Variants in ANXA4 observed in about 807,000 individuals in gnomAD.
The protein encoded by ANXA4 is 35-beta calcimedin.
ANXA4 carries 39 observed loss-of-function variants against 49.8 expected under a neutral mutation model. That is an observed-to-expected ratio of 0.78 (90% CI 0.61 to 1.02). ANXA4 has a LOEUF of 1.02. Ranked by LOEUF, ANXA4 falls within the 50% of genes least tolerant of loss-of-function variation. The pLI is 0.00. For synonymous variants in ANXA4, 134 were observed against 152.5 expected (o/e 0.88, Z 0.89); for missense variants, 360 against 410.1 (o/e 0.88, Z 1.05).
chr2:69,662,290 A>T (rs2704445), intron 2 of ANXA4, among the ~76,000 whole-genome samples: 15 of 152,210 alleles, frequency 9.9e-5, no homozygotes, highest in East Asian at 1.9e-4. Flanking sequence ...TCCAGAAAGG[A>T]TACTCCAAGA....
At chr2:69,648,301 A>C (rs1266099016) in intron 1 of ANXA4, among the ~76,000 whole-genome samples, 1 of 152,202 alleles carries the variant, frequency 6.6e-6, no homozygotes, top group Non-Finnish European at 1.5e-5. Context: ...CAAAACCCAC[A>C]TCATTTTCAT....
chr2:69,793,250 C>CAAAAAAAAAAAAAAAAAAAAAAAAAAAA (rs70954360), intron 3 of ANXA4, among the ~76,000 whole-genome samples: 1 of 128,580 alleles, frequency 7.8e-6, no homozygotes, highest in Non-Finnish European at 1.6e-5. Context: ...GACTCCATCT[C>CAAAAAAAAAAAAAAAAAAAAAAAAAAAA]AAAAAAAAAA....
In ANXA4 at chr2:69,766,123, A is replaced by G. The variant is rs140094973; in HGVS notation, c.-46-15397A>G. ...AGAGGACCTTACGGACTTGGTGACC[A>G]AAAGAACCACAAAGGAATCTAGTTT... is the stretch of plus-strand genomic sequence containing the variant. On this transcript the variant is annotated intron_variant, in intron 1 of 12. Coordinates refer to ENST00000394295, the MANE Select transcript of ANXA4 (RefSeq NM_001153.5). Among the ~76,000 whole-genome samples, 166 of 152,368 alleles carry G rather than the reference A, an allele frequency of 1.1e-3. 1 individual carries two copies. Among genetic ancestry groups the G allele is most frequent in the Middle Eastern group, 6.8e-3 (2 of 294 alleles).
chr2:69,686,239 C>G (rs1677781437), intron 2 of ANXA4, among the ~76,000 whole-genome samples: 1 of 152,014 alleles, frequency 6.6e-6, no homozygotes, highest in African/African-American at 2.4e-5. Flanking sequence ...GGCTGGAGTG[C>G]AATGGCGTGA....
At position 69,775,601 on chromosome 2, in the gene ANXA4, G is replaced by A. The variant is rs75769379; in HGVS notation, c.-46-5919G>A. Among the ~76,000 whole-genome samples the A allele has an allele frequency of 6.7e-3, 1,024 of 152,326 alleles. 10 individuals carry two copies. Among genetic ancestry groups the A allele is most frequent in the African/African-American group, 0.023 (952 of 41,560 alleles). The stretch of plus-strand genomic sequence containing the variant: ...AAAGGAAAAGAAACAGACTGCTATC[G>A]GAGGATAGTGTGTGGGTTAGTTTTA... On this transcript the variant is annotated intron_variant, in intron 1 of 12. Coordinates refer to ENST00000394295, the MANE Select transcript of ANXA4 (RefSeq NM_001153.5).
chr2:69,646,305 T>C (rs1405241681), intron 1 of ANXA4, among the ~76,000 whole-genome samples: 1 of 152,232 alleles, frequency 6.6e-6, no homozygotes, highest in Non-Finnish European at 1.5e-5. Context: ...TGCATTCCTG[T>C]TCAACTTTTA....
intron 9 of ANXA4, chr2:69,818,001 A>G (rs1169399717): frequency 1.3e-5 from 2 of 152,320 alleles, no homozygotes; most frequent in Non-Finnish European, 2.9e-5. Flanking sequence ...GAAGTGAGGC[A>G]GCACCCCAAA....
At chr2:69,685,922 T>TG (rs1206845730) in intron 2 of ANXA4, among the ~76,000 whole-genome samples, 1 of 152,136 alleles carries the variant, frequency 6.6e-6, no homozygotes, top group Non-Finnish European at 1.5e-5. Flanking sequence ...AGTTTCAAGG[T>TG]ACTGACTTTG....
rs543925829 is a variant in ANXA4 at position 69,783,461 on chromosome 2, C to T, written c.9+1887C>T. The stretch of plus-strand genomic sequence containing the variant: ...CGAACTCCTGACCTCATGATCTGCC[C>T]GCCTCGGCCTCCCAAAGTGCTGGGA... On this transcript the variant is annotated intron_variant, in intron 2 of 12. Coordinates refer to ENST00000394295, the MANE Select transcript of ANXA4 (RefSeq NM_001153.5). Among the ~76,000 whole-genome samples the T allele has an allele frequency of 3.7e-4, 56 of 152,270 alleles. 1 individual carries two copies. In the Middle Eastern group the frequency reaches 0.01, roughly 28 times the overall value.
intron 6 of ANXA4, 170 bp from the exon 7 acceptor site, chr2:69,810,424 C>T (rs944760837): frequency 1.8e-5 from 11 of 606,232 alleles, no homozygotes; most frequent in Non-Finnish European, 3.3e-5. Flanking sequence ...CTGATCTTGA[C>T]CATTTTACCA....
chr2:69,681,218 A>G (rs1378467853), intron 2 of ANXA4, among the ~76,000 whole-genome samples: 1 of 151,984 alleles, frequency 6.6e-6, no homozygotes, highest in East Asian at 1.9e-4. Flanking sequence ...TATTTTTCTT[A>G]TTCAATCTTG....
chr2:69,763,158 T>G (rs13412112), intron 1 of ANXA4, among the ~76,000 whole-genome samples: 52,362 of 151,940 alleles, frequency 0.34, 9,146 homozygotes, highest in East Asian at 0.45. Context: ...GGAATCAGCT[T>G]GAATTTTGGA....
chr2:69,658,939 A>G (rs1024524152), intron 2 of ANXA4, among the ~76,000 whole-genome samples: 2 of 150,880 alleles, frequency 1.3e-5, no homozygotes, highest in African/African-American at 2.4e-5. Flanking sequence ...CTCATGATCC[A>G]CCCGCCGTAG....
At chr2:69,787,229 T>C (rs1031943254) in intron 2 of ANXA4, among the ~76,000 whole-genome samples, 8 of 152,230 alleles carry the variant, frequency 5.3e-5, no homozygotes, top group South Asian at 2.1e-4. Flanking sequence ...AATGTTCAAA[T>C]TTCCATCGTC....
intron 1 of ANXA4, among the ~76,000 whole-genome samples, chr2:69,770,300 A>G (rs1185472907): frequency 2.0e-5 from 3 of 152,218 alleles, no homozygotes; most frequent in Non-Finnish European, 4.4e-5. Context: ...TCATTTTCCT[A>G]TTTCATAGAC....
intron 2 of ANXA4, among the ~76,000 whole-genome samples, chr2:69,715,288 C>T (rs1288157147): frequency 3.9e-5 from 6 of 152,200 alleles, no homozygotes; most frequent in African/African-American, 1.4e-4. Context: ...CCTCTCACCA[C>T]AACCTCCCCC....
intron 7 of ANXA4, chr2:69,810,899 A>G: frequency 1.9e-6 from 1 of 535,714 alleles, no homozygotes; most frequent in South Asian, 2.2e-5. Context: ...AACACCTGCC[A>G]GGTCCCCCTG....
Position 69,804,623 on chromosome 2 carries a change from G to C in ANXA4, c.188G>C (p.Gly63Ala), listed in dbSNP as rs1435901258. 6.2e-7 allele frequency: 1 copy of C among 1,611,744 alleles called. No homozygotes were observed. Among genetic ancestry groups the C allele is most frequent in the Non-Finnish European group, 8.5e-7 (1 of 1,178,892 alleles). The change falls in exon 4 of 13, where the codon GGC becomes GCC. Residue 63 changes from glycine (G) to alanine (A), a missense_variant. Physicochemically the swap from Gly to Ala is moderately conservative, Grantham distance 60. Coordinates refer to ENST00000394295, the MANE Select transcript of ANXA4 (RefSeq NM_001153.5). ...AGGACAGCCTACAAGAGCACCATCG[G>C]CAGGGTAGGCCACAGTCTTTCCTGC... Reference protein sequence around the residue: ...EIRTAYKSTIGRDLIDDLKSE... With the variant: ...EIRTAYKSTIARDLIDDLKSE...
chr2:69,757,440 G>GTT (rs1196253828), intron 1 of ANXA4, among the ~76,000 whole-genome samples: 57 of 108,062 alleles, frequency 5.3e-4, no homozygotes, highest in African/African-American at 1.2e-3. Context: ...CTAATTTTTT[G>GTT]TTTTTTTTTT....
Sources: gnomAD v4.1 joint callset for allele counts (sites outside exome capture counted in the v4.1 genomes callset) on GRCh38, gnomAD v4.1.1 for gene constraint, MANE v1.5 for transcripts, NCBI Gene and HGNC (gene_info 2026-07-23, HGNC 2026-07-21) for gene names.